The following NTM variants were observed in gnomAD, a reference collection of about 807,000 sequenced individuals.
NTM encodes IgLON family member 2.
A neutral mutation model predicts 42.1 loss-of-function variants in NTM; 13 were observed. The ratio of observed to expected loss-of-function variants is 0.31; its 90% CI spans 0.20 to 0.49. The LOEUF (loss-of-function observed/expected upper bound fraction) is 0.49, where lower values mean the gene tolerates loss of function less well. NTM is among the 20% of genes least tolerant of loss of function. NTM has a pLI of 0.99. For missense variants in NTM, 373 were observed against 452.8 expected, an observed-to-expected ratio of 0.82 and a Z score of 1.60; for synonymous variants, 187 against 179.2, an observed-to-expected ratio of 1.04 and a Z score of -0.35.
At chr11:132,015,882 C>T (rs115467048) in intron 2 of NTM, among the ~76,000 whole-genome samples, 1,819 of 151,856 alleles carry the variant, frequency 0.012, 40 homozygotes, top group African/African-American at 0.042. Context: ...GTTTGACTTC[C>T]TCCATTCCAA....
chr11:131,424,600 C>CTTTCTTTTTTTT (rs1947878678), intron 1 of NTM, among the ~76,000 whole-genome samples: 1 of 56,052 alleles, frequency 1.8e-5, no homozygotes, highest in African/African-American at 7.3e-5. Flanking sequence ...CTTTTCTTTT[C>CTTTCTTTTTTTT]TTTTTTTTTT....
chr11:132,176,246 G>A (rs977325373), intron 3 of NTM, among the ~76,000 whole-genome samples: 8 of 151,914 alleles, frequency 5.3e-5, no homozygotes, highest in Non-Finnish European at 8.8e-5. Context: ...GTCAGATACA[G>A]TTTGTTGGGT....
rs559804324 is a variant in NTM, at chr11:131,920,945, G to A, written c.167+9297G>A. Among the ~76,000 whole-genome samples, 177 of 152,278 alleles carry A rather than the reference G, an allele frequency of 1.2e-3. 1 individual carries two copies. The highest frequency in any genetic ancestry group is 3.4e-3 in the Middle Eastern group (1 of 294). Reference sequence around the variant, plus strand: ...AATGTGCTGGATGAGTGAAAAAAATGCTCTCACATTCAGAATAATCATCTT... The same window carrying A: ...AATGTGCTGGATGAGTGAAAAAAATACTCTCACATTCAGAATAATCATCTT... On this transcript the variant is annotated intron_variant, in intron 2 of 8. Transcript: ENST00000683400.
At chr11:132,273,823 C>T (rs768213683) in intron 4 of NTM, among the ~76,000 whole-genome samples, 80 of 152,152 alleles carry the variant, frequency 5.3e-4, no homozygotes, top group Non-Finnish European at 8.8e-4. Flanking sequence ...AGGAGAATTG[C>T]TTGCACCTGA....
chr11:131,453,872 C>T (rs1014317516), intron 1 of NTM, among the ~76,000 whole-genome samples: 1 of 152,222 alleles, frequency 6.6e-6, no homozygotes. Context: ...GCTGAAGAGC[C>T]TTTAGGTGTG....
chr11:132,261,368 A>G (rs2139541910), intron 4 of NTM, among the ~76,000 whole-genome samples: 1 of 152,262 alleles, frequency 6.6e-6, no homozygotes, highest in African/African-American at 2.4e-5. Flanking sequence ...TGGGGCATGT[A>G]TTGGAATGCC....
intron 2 of NTM, among the ~76,000 whole-genome samples, chr11:132,098,293 A>G (rs1315649286): frequency 6.6e-6 from 1 of 152,132 alleles, no homozygotes; most frequent in Admixed American, 6.5e-5. Context: ...CAAAATTGTG[A>G]CTCATGATAA....
intron 2 of NTM, among the ~76,000 whole-genome samples, chr11:132,068,881 C>T (rs1359788476): frequency 6.6e-6 from 1 of 152,200 alleles, no homozygotes; most frequent in African/African-American, 2.4e-5. Flanking sequence ...GGCCTTTCAG[C>T]TGATTGGGTG....
chr11:132,163,684 C>T (rs143270055), intron 3 of NTM, among the ~76,000 whole-genome samples: 2 of 152,206 alleles, frequency 1.3e-5, no homozygotes, highest in African/African-American at 4.8e-5. Flanking sequence ...TCAGGTTAAC[C>T]TGACTCAAAG....
intron 3 of NTM, among the ~76,000 whole-genome samples, chr11:132,147,738 G>C (rs1242238361): frequency 6.6e-6 from 1 of 151,988 alleles, no homozygotes; most frequent in African/African-American, 2.4e-5. Flanking sequence ...GTAGCTCCAG[G>C]GTGACAAACT....
chr11:131,850,486 G>C (rs2045402035), intron 1 of NTM, among the ~76,000 whole-genome samples: 1 of 152,156 alleles, frequency 6.6e-6, no homozygotes, highest in African/African-American at 2.4e-5. Flanking sequence ...GGGAGACACA[G>C]AGCTGGGAGG....
At chr11:131,600,816 G>A (rs1005281990) in intron 1 of NTM, among the ~76,000 whole-genome samples, 9 of 152,020 alleles carry the variant, frequency 5.9e-5, no homozygotes, top group Admixed American at 3.3e-4. Flanking sequence ...CAAGCCTTAC[G>A]TGTCACTACT....
chr11:132,190,999 G>A (rs1469229828), intron 3 of NTM, among the ~76,000 whole-genome samples: 1 of 152,040 alleles, frequency 6.6e-6, no homozygotes, highest in East Asian at 1.9e-4. Flanking sequence ...TGTACAGAGT[G>A]GAATGTCCGT....
chr11:131,602,751 T>A (rs1053940674), intron 1 of NTM, among the ~76,000 whole-genome samples: 2 of 152,116 alleles, frequency 1.3e-5, no homozygotes, highest in Admixed American at 6.6e-5. Context: ...CAAATTGAGC[T>A]CCCTTTTTAT....
In NTM at chr11:132,146,300, G is replaced by A. The variant is rs146934731; in HGVS notation, c.186G>A (p.Arg62=). The change falls in exon 3 of 9, where the codon CGG becomes CGA. Residue 62 remains arginine, a synonymous_variant. Transcript: ENST00000683400. This position sits in a 1 kb window ranked among gnomAD's most constrained non-coding sequence, Gnocchi z 4.5. ...SATLRCTIDN[R]VTRVAWLNRS... is the part of the protein sequence containing the mutation. ...CCTTCAGGTGCACTATTGACAACCG[G>A]GTCACCCGGGTGGCCTGGCTAAACC... The A allele has an allele frequency of 3.7e-6, 6 of 1,614,058 alleles. No individual in the cohort carries two copies. The African/African-American group carries it at 6.7e-5, about 18-fold the overall frequency.
At chr11:132,010,629 C>A (rs1276985617) in intron 2 of NTM, among the ~76,000 whole-genome samples, 1 of 59,062 alleles carries the variant, frequency 1.7e-5, no homozygotes, top group African/African-American at 5.6e-5. Flanking sequence ...TTTTTTTTTT[C>A]CTCCATTCTC....
At chr11:131,418,156 C>G (rs1947141259) in intron 1 of NTM, among the ~76,000 whole-genome samples, 1 of 152,154 alleles carries the variant, frequency 6.6e-6, no homozygotes, top group Non-Finnish European at 1.5e-5. Context: ...ATGATTGTAT[C>G]CAATCCTTTT....
At chr11:131,902,410 G>A (rs147414545) in intron 1 of NTM, among the ~76,000 whole-genome samples, 3 of 152,202 alleles carry the variant, frequency 2.0e-5, no homozygotes, top group Admixed American at 6.5e-5. Flanking sequence ...TTCCTGTCCC[G>A]GGGCCTGCAA....
intron 1 of NTM, among the ~76,000 whole-genome samples, chr11:131,833,592 G>C (rs1437381842): frequency 6.6e-6 from 1 of 152,176 alleles, no homozygotes; most frequent in Non-Finnish European, 1.5e-5. Flanking sequence ...GACTGTCAAG[G>C]CTGAATGACA....
Sources: allele counts gnomAD v4.1 joint callset (sites outside exome capture counted in the v4.1 genomes callset), GRCh38; gene constraint gnomAD v4.1.1; non-coding constraint Gnocchi (gnomAD v3.1); transcripts MANE v1.5; gene names NCBI Gene and HGNC (gene_info 2026-07-23, HGNC 2026-07-21).